The following PTPRF variants were observed in gnomAD, a reference collection of about 807,000 sequenced individuals.
The protein encoded by PTPRF is receptor-type tyrosine-protein phosphatase F.
A neutral mutation model predicts 201.8 loss-of-function variants in PTPRF; 59 were observed. The observed-to-expected ratio is 0.29, with a 90% CI of 0.24 to 0.36. PTPRF has a LOEUF of 0.36. PTPRF is among the 10% of genes least tolerant of loss of function. The pLI, the probability that PTPRF is intolerant of heterozygous loss-of-function variation, is 1.00. For synonymous variants in PTPRF, 1,088 were observed against 1,089.7 expected (o/e 1.00, Z 0.03); for missense variants, 2,132 against 2,690.5 (o/e 0.79, Z 4.59).
Position 43,591,130 on chromosome 1 carries a change from G to T in PTPRF, c.1108G>T (p.Ala370Ser), listed in dbSNP as rs1379971160. 1 of 1,613,516 alleles carries T rather than the reference G, an allele frequency of 6.2e-7. No homozygotes were observed. Among genetic ancestry groups the T allele is most frequent in the Non-Finnish European group, 8.5e-7 (1 of 1,180,040 alleles). ...EGPFQEVDGV[A>S]TTRYSIGGLS... The stretch of plus-strand genomic sequence containing the variant: ...CCCCTTTCAGGAGGTGGATGGTGTG[G>T]CCACCACCCGCTACAGCATTGGCGG... The change falls in exon 9 of 34, where the codon GCC becomes TCC. Residue 370 changes from alanine to serine, a missense_variant. By Grantham distance (99) the Ala-to-Ser change is moderately conservative. This residue lies in a region of PTPRF where 351 missense variants were observed against 401.7 expected (regional missense o/e 0.87). Coordinates refer to ENST00000359947, the MANE Select transcript of PTPRF (RefSeq NM_002840.5).
intron 23 of PTPRF, among the ~76,000 whole-genome samples, chr1:43,615,818 G>A (rs1269140129): frequency 6.6e-6 from 1 of 151,990 alleles, no homozygotes; most frequent in African/African-American, 2.4e-5. Flanking sequence ...CGCCCACCTT[G>A]GCCTCCCAAG....
intron 7 of PTPRF, among the ~76,000 whole-genome samples, chr1:43,581,988 C>T (rs1014892997): frequency 2.6e-5 from 4 of 152,202 alleles, no homozygotes; most frequent in African/African-American, 4.8e-5. Context: ...AACGTTGCAA[C>T]GTGTCACCTG....
intron 5 of PTPRF, among the ~76,000 whole-genome samples, chr1:43,559,687 T>C (rs1645655711): frequency 1.4e-5 from 2 of 147,024 alleles, no homozygotes; most frequent in Middle Eastern, 3.7e-3. Flanking sequence ...GCGAGTACTT[T>C]GTGTGGTGTA....
chr1:43,528,381 G>A (rs1273878218), upstream of PTPRF, among the ~76,000 whole-genome samples: 1 of 152,112 alleles, frequency 6.6e-6, no homozygotes, highest in African/African-American at 2.4e-5. Context: ...AGTAGAGATG[G>A]GGTTTCACCA....
In PTPRF at chr1:43,603,999, C is replaced by A. The variant is rs1280769386; in HGVS notation, c.2847C>A (p.Ile949=). ...PVLAERNGRI[I]SYTVVFRDIN... ...TGGCGGAGAGGAACGGGCGCATCATCAGCTACACCGTGGTGTTCCGAGACA... is the reference window on the plus strand; with the variant it reads ...TGGCGGAGAGGAACGGGCGCATCATAAGCTACACCGTGGTGTTCCGAGACA... Residue 949 remains isoleucine (I), a synonymous_variant, in exon 16 of 34, where the codon ATC becomes ATA. Coordinates refer to ENST00000359947, the MANE Select transcript of PTPRF (RefSeq NM_002840.5). This position sits in a 1 kb window ranked among gnomAD's most constrained non-coding sequence, Gnocchi z 5.8. 3 of 1,614,238 alleles carry A rather than the reference C, an allele frequency of 1.9e-6. No homozygotes were observed. Among genetic ancestry groups the A allele is most frequent in the Non-Finnish European group, 1.7e-6 (2 of 1,180,050 alleles).
Position 43,553,911 on chromosome 1 carries a change from A to G in PTPRF, c.349A>G (p.Asn117Asp). 6.2e-7 allele frequency: 1 copy of G among 1,609,480 alleles called. No homozygotes were observed. Among genetic ancestry groups the G allele is most frequent in the Non-Finnish European group, 8.5e-7 (1 of 1,177,868 alleles). Residue 117 changes from asparagine (N) to aspartate (D), a missense_variant, in exon 5 of 34, where the codon AAC (asparagine) becomes GAC (aspartate). Physicochemically the swap from Asn to Asp is conservative, Grantham distance 23. Transcript: ENST00000359947. The surrounding 1 kb of genome is among the most constrained non-coding windows in gnomAD (Gnocchi z 4.1). The part of the protein sequence containing the change: ...CTATNSLGEI[N>D]TSAKLSVLEE... ...AGCTACTAACAGCCTGGGTGAGATC[A>G]ACACTAGTGCCAAGCTCTCAGTGCT...
intron 5 of PTPRF, among the ~76,000 whole-genome samples, chr1:43,555,721 G>A (rs1051497819): frequency 6.6e-6 from 1 of 152,222 alleles, no homozygotes; most frequent in Non-Finnish European, 1.5e-5. Flanking sequence ...TGGGATTACA[G>A]GCGTGAGCCA....
At chr1:43,561,035 G>A (rs1645773279) in intron 5 of PTPRF, among the ~76,000 whole-genome samples, 1 of 152,188 alleles carries the variant, frequency 6.6e-6, no homozygotes, top group Admixed American at 6.5e-5. Context: ...GGGCTAATCA[G>A]TGCTGTACTG....
rs927801067 is a variant in PTPRF, at chr1:43,554,956, C to T, written c.379+1015C>T. On this transcript the variant is annotated intron_variant, in intron 5 of 33. Coordinates refer to ENST00000359947, the MANE Select transcript of PTPRF (RefSeq NM_002840.5). The surrounding 1 kb of genome is among the most constrained non-coding windows in gnomAD (Gnocchi z 4.1). ...GCAACCTCTGCCTCCCGGGTTCAAG[C>T]GATTCTCCTGCCCGGCCTCCCAAGT... Among the ~76,000 whole-genome samples the T allele has an allele frequency of 2.6e-5, 4 of 151,008 alleles. No individual in the cohort carries two copies. The highest frequency in any genetic ancestry group is 4.4e-5 in the Non-Finnish European group (3 of 67,886).
In PTPRF at chr1:43,537,964, C is replaced by A. The variant is rs991025308; in HGVS notation, c.-125-234C>A. ...GTGGCTCACAGCTATATGGCTGGTG[C>A]CTGGAAGGACGCCCAGCACATAGTA... is the stretch of plus-strand genomic sequence containing the variant. On this transcript the variant is annotated intron_variant, in intron 1 of 33. Coordinates refer to ENST00000359947, the MANE Select transcript of PTPRF (RefSeq NM_002840.5). The surrounding 1 kb of genome is among the most constrained non-coding windows in gnomAD (Gnocchi z 4.8). Among the ~76,000 whole-genome samples the A allele has an allele frequency of 5.3e-5, 8 of 152,094 alleles. No homozygotes were observed. The highest frequency in any genetic ancestry group is 1.9e-4 in the African/African-American group (8 of 41,482).
intron 5 of PTPRF, among the ~76,000 whole-genome samples, chr1:43,555,760 A>G (rs765259713): frequency 3.3e-5 from 5 of 152,150 alleles, no homozygotes; most frequent in Non-Finnish European, 7.4e-5. Flanking sequence ...ATTATCCTTA[A>G]TGGCTATGGG....
chr1:43,577,226 G>A (rs369717194), intron 6 of PTPRF, among the ~76,000 whole-genome samples: 2 of 152,186 alleles, frequency 1.3e-5, no homozygotes, highest in African/African-American at 4.8e-5. Flanking sequence ...CCTTAGGGCA[G>A]CCTCGACCCC....
At chr1:43,572,019 T>G (rs1485535466) in intron 6 of PTPRF, among the ~76,000 whole-genome samples, 1 of 152,260 alleles carries the variant, frequency 6.6e-6, no homozygotes. Context: ...TCTGTGCCCT[T>G]GACCCTCCTA....
At chr1:43,605,714 A>T in intron 19 of PTPRF, 92 bp downstream of exon 19, 1 of 1,219,278 alleles carries the variant, frequency 8.2e-7, no homozygotes, top group Non-Finnish European at 1.2e-6. Flanking sequence ...TGACTCTCAG[A>T]TTCACTCCCC....
rs745642393 is a variant in PTPRF, at chr1:43,598,892, C to T, written c.2292C>T (p.Asp764=). Reference sequence around the variant, plus strand: ...CCCGTGGACTCCCCATCATCCAAGACGTCATGCTAGCCGAGGCCCAGGTGC... The same window carrying T: ...CCCGTGGACTCCCCATCATCCAAGATGTCATGCTAGCCGAGGCCCAGGTGC... ...GEPRGLPIIQ[D]VMLAEAQWRP... Residue 764 remains aspartate, a synonymous_variant, in exon 13 of 34, where the codon GAC becomes GAT. Transcript: ENST00000359947. 36 of 1,613,778 alleles carry T rather than the reference C, an allele frequency of 2.2e-5. No individual in the cohort carries two copies. The highest frequency in any genetic ancestry group is 1.6e-4 in the South Asian group (15 of 91,072).
intron 21 of PTPRF, 97 bp downstream of exon 21, chr1:43,607,065 A>G (rs1655303423): frequency 6.7e-7 from 1 of 1,484,964 alleles, no homozygotes; most frequent in Non-Finnish European, 9.1e-7. Context: ...GCAGCCTTGC[A>G]TCCTGGACCC....
At position 43,622,337 on chromosome 1, in the gene PTPRF, A is replaced by G; in HGVS notation, c.*334A>G. ...TGGGGCAAAGCCTCCTTTTTAATAC[A>G]TTAAGTGGGGTAGACTGAGGGATTT... On this transcript the variant is annotated 3_prime_UTR_variant, in exon 34 of 34. Coordinates refer to ENST00000359947, the MANE Select transcript of PTPRF (RefSeq NM_002840.5). 3.0e-6 allele frequency: 1 copy of G among 328,396 alleles called. No individual in the cohort carries two copies. Among genetic ancestry groups the G allele is most frequent in the Non-Finnish European group, 5.7e-6 (1 of 176,314 alleles). The allele number at this position is 328,396 out of a possible 1,614,324, so 20.3% of individuals were successfully genotyped here.
chr1:43,544,745 C>CCT (rs1025618238), intron 2 of PTPRF, among the ~76,000 whole-genome samples: 2 of 152,210 alleles, frequency 1.3e-5, no homozygotes, highest in Admixed American at 1.3e-4. Context: ...ACTCCCTGTA[C>CCT]CTCCTACTCA....
intron 11 of PTPRF, 107 bp downstream of exon 11, chr1:43,592,708 T>A (rs567987451): frequency 7.6e-7 from 1 of 1,320,848 alleles, no homozygotes; most frequent in Non-Finnish European, 9.9e-7. Flanking sequence ...TGGTCAGGTC[T>A]GCTGGCCAAA....
Sources: allele counts gnomAD v4.1 joint callset (sites outside exome capture counted in the v4.1 genomes callset), GRCh38; gene constraint gnomAD v4.1.1; regional missense constraint gnomAD v4.1.1; non-coding constraint Gnocchi (gnomAD v3.1); transcripts MANE v1.5; gene names NCBI Gene and HGNC (gene_info 2026-07-23, HGNC 2026-07-21).